LRMDA: variants seen among roughly 807,000 people sequenced by gnomAD.
The protein encoded by LRMDA is leucine rich melanocyte differentiation associated.
In LRMDA, 18 loss-of-function variants were observed where a neutral mutation model predicts 29.8. That is an observed-to-expected ratio of 0.60 (90% CI 0.42 to 0.90). LRMDA has a LOEUF of 0.90. LRMDA is among the 40% of genes least tolerant of loss of function. The pLI, the probability that LRMDA is intolerant of heterozygous loss-of-function variation, is 0.00. For missense variants in LRMDA, 273 were observed against 273.9 expected (o/e 1.00, Z 0.02); for synonymous variants, 125 against 109.4 (o/e 1.14, Z -0.89).
chr10:75,657,535 C>T (rs11001454), intron 2 of LRMDA, among the ~76,000 whole-genome samples: 88,432 of 152,068 alleles, frequency 0.58, 30,283 homozygotes, highest in Non-Finnish European at 0.76. Flanking sequence ...ATCCCTGATC[C>T]CTCACTTTCT....
At chr10:76,400,128 A>T (rs1172827641) in intron 6 of LRMDA, among the ~76,000 whole-genome samples, 5 of 152,180 alleles carry the variant, frequency 3.3e-5, no homozygotes, top group Admixed American at 3.3e-4. Context: ...GCTGATCTTG[A>T]TGAAGTAAGA....
At chr10:76,180,246 G>T (rs1420455837) in intron 5 of LRMDA, among the ~76,000 whole-genome samples, 1 of 140,622 alleles carries the variant, frequency 7.1e-6, no homozygotes, top group African/African-American at 2.6e-5. Context: ...CCAGGCCTCA[G>T]AAAAAGCCAT....
intron 2 of LRMDA, among the ~76,000 whole-genome samples, chr10:75,758,543 T>C (rs1301359719): frequency 6.6e-6 from 1 of 152,154 alleles, no homozygotes; most frequent in Admixed American, 6.5e-5. Flanking sequence ...GTGAGGCAAA[T>C]GCTAGGCTGG....
At chr10:76,525,011 A>G (rs1843160191) in intron 6 of LRMDA, among the ~76,000 whole-genome samples, 4 of 152,190 alleles carry the variant, frequency 2.6e-5, no homozygotes, top group Admixed American at 2.6e-4. Flanking sequence ...TTCTGCAACC[A>G]ATTGTCTCAG....
intron 2 of LRMDA, among the ~76,000 whole-genome samples, chr10:75,975,167 T>TCA (rs773863269): frequency 6.6e-6 from 1 of 152,242 alleles, no homozygotes; most frequent in Non-Finnish European, 1.5e-5. Context: ...TATCCCATTC[T>TCA]GTAGACACTG....
At chr10:75,717,773 G>A (rs976386963) in intron 2 of LRMDA, among the ~76,000 whole-genome samples, 5 of 152,100 alleles carry the variant, frequency 3.3e-5, no homozygotes, top group Admixed American at 6.5e-5. Context: ...TGGAAATTGG[G>A]CCCCTGCTAA....
At chr10:75,786,049 G>A (rs570143516) in intron 2 of LRMDA, among the ~76,000 whole-genome samples, 1 of 152,246 alleles carries the variant, frequency 6.6e-6, no homozygotes, top group East Asian at 1.9e-4. Flanking sequence ...ATTGTGAGGG[G>A]GACACAAAGT....
rs183684414 is a variant in LRMDA at position 75,595,837 on chromosome 10, C to G, written c.131+157343C>G. The stretch of plus-strand genomic sequence containing the variant: ...ACATTCAGTCCAGCTACATTGATCT[C>G]TGATCTGTATGTCTTAACCAAGTAG... On this transcript the variant is annotated intron_variant, in intron 2 of 6. Coordinates refer to ENST00000611255, the MANE Select transcript of LRMDA (RefSeq NM_001305581.2). 3.6e-3 allele frequency among the ~76,000 whole-genome samples: 545 copies of G among 150,488 alleles called. 3 individuals carry two copies. Among genetic ancestry groups the G allele is most frequent in the Non-Finnish European group, 6.4e-3 (435 of 67,614 alleles).
Position 75,583,984 on chromosome 10 carries a change from C to T in LRMDA, c.131+145490C>T, listed in dbSNP as rs555418654. The stretch of plus-strand genomic sequence containing the variant: ...TTGATGTGGTCATTCCCCTTCCCAG[C>T]CCCCCCATAGGGACTGTCCTTCCTC... On this transcript the variant is annotated intron_variant, in intron 2 of 6. Coordinates refer to ENST00000611255, the MANE Select transcript of LRMDA (RefSeq NM_001305581.2). 3.3e-5 allele frequency among the ~76,000 whole-genome samples: 5 copies of T among 152,130 alleles called. No homozygotes were observed. In the South Asian group the frequency reaches 8.3e-4, roughly 25 times the overall value.
chr10:76,483,842 A>T (rs764224932), intron 6 of LRMDA, among the ~76,000 whole-genome samples: 16 of 151,830 alleles, frequency 1.1e-4, no homozygotes, highest in Non-Finnish European at 2.1e-4. Flanking sequence ...TGCAAGATTC[A>T]TTATTGTCCA....
intron 2 of LRMDA, among the ~76,000 whole-genome samples, chr10:75,885,268 G>A (rs1338491072): frequency 6.6e-6 from 1 of 152,318 alleles, no homozygotes; most frequent in South Asian, 2.1e-4. Flanking sequence ...AAGCTGGGCT[G>A]TTTGCATGCT....
At chr10:76,210,383 T>G in intron 5 of LRMDA, among the ~76,000 whole-genome samples, 1 of 152,280 alleles carries the variant, frequency 6.6e-6, no homozygotes, top group Non-Finnish European at 1.5e-5. Context: ...ATTCAGCAGT[T>G]TACCCACCCT....
At chr10:75,818,422 T>C (rs912956118) in intron 2 of LRMDA, among the ~76,000 whole-genome samples, 7 of 152,256 alleles carry the variant, frequency 4.6e-5, no homozygotes, top group Non-Finnish European at 1.0e-4. Context: ...CTTTTCCAGG[T>C]AGATCATGTC....
At chr10:76,478,718 TA>T (rs936050275) in intron 6 of LRMDA, among the ~76,000 whole-genome samples, 2 of 151,920 alleles carry the variant, frequency 1.3e-5, no homozygotes, top group Non-Finnish European at 2.9e-5. Flanking sequence ...TATGCAGCCA[TA>T]AAAAATGATG....
chr10:76,026,630 C>T (rs1006766096), intron 2 of LRMDA, among the ~76,000 whole-genome samples: 12 of 152,156 alleles, frequency 7.9e-5, no homozygotes, highest in Admixed American at 2.0e-4. Context: ...TTAAAGAAGC[C>T]TTGCACAGTC....
At chr10:76,145,419 G>A (rs897017929) in intron 5 of LRMDA, among the ~76,000 whole-genome samples, 2 of 152,052 alleles carry the variant, frequency 1.3e-5, no homozygotes, top group African/African-American at 2.4e-5. Flanking sequence ...TTAGTCTTGG[G>A]AGGGTGTATG....
intron 2 of LRMDA, among the ~76,000 whole-genome samples, chr10:75,516,958 T>A (rs1845297297): frequency 6.6e-6 from 1 of 152,132 alleles, no homozygotes; most frequent in Non-Finnish European, 1.5e-5. Flanking sequence ...AAATAGGGAA[T>A]CGTTTCCCCA....
chr10:76,206,793 T>G (rs1191459105), intron 5 of LRMDA, among the ~76,000 whole-genome samples: 3 of 152,162 alleles, frequency 2.0e-5, no homozygotes, highest in Non-Finnish European at 2.9e-5. Flanking sequence ...TGCCCCAGAC[T>G]TTCATGCAGC....
intron 2 of LRMDA, among the ~76,000 whole-genome samples, chr10:75,813,633 A>G (rs1844003445): frequency 6.6e-6 from 1 of 152,170 alleles, no homozygotes; most frequent in Non-Finnish European, 1.5e-5. Context: ...GGTCCATTTG[A>G]GAAAGTGATA....
Sources: gnomAD v4.1 joint callset for allele counts (sites outside exome capture counted in the v4.1 genomes callset) on GRCh38, gnomAD v4.1.1 for gene constraint, MANE v1.5 for transcripts, NCBI Gene and HGNC (gene_info 2026-07-23, HGNC 2026-07-21) for gene names.